The following PPP5C variants were observed in gnomAD, a reference collection of about 807,000 sequenced individuals.
The protein encoded by PPP5C is serine/threonine-protein phosphatase 5.
A neutral mutation model predicts 66.7 loss-of-function variants in PPP5C; 21 were observed. The ratio of observed to expected loss-of-function variants is 0.31; its 90% confidence interval spans 0.22 to 0.45. The LOEUF is 0.45. Ranked by LOEUF, PPP5C falls within the 20% of genes least tolerant of loss-of-function variation. PPP5C has a pLI of 1.00. For synonymous variants in PPP5C, 246 were observed against 257.4 expected (o/e 0.96, Z 0.43); for missense variants, 464 against 675.9 (o/e 0.69, Z 3.48).
Position 46,388,149 on chromosome 19 carries a change from G to A in PPP5C, c.1136-259G>A. ...GGGAGAGGGGCCTGATCTGAATAGT[G>A]ACATTGAAAGCTCTATCTGGCTTCG... is the stretch of plus-strand genomic sequence containing the variant. On this transcript the variant is annotated intron_variant, in intron 9 of 12. Coordinates refer to ENST00000012443, the MANE Select transcript of PPP5C (RefSeq NM_006247.4). The surrounding 1 kb of genome is among the most constrained non-coding windows in gnomAD (Gnocchi z 4.9). 2.1e-6 allele frequency: 1 copy of A among 480,194 alleles called. No individual in the cohort carries two copies. The highest frequency in any genetic ancestry group is 3.9e-5 in the South Asian group (1 of 25,408). The allele number at this position is 480,194 out of a possible 1,614,324, so 29.7% of individuals were successfully genotyped here.
rs1238885116 is a variant in PPP5C at position 46,384,331 on chromosome 19, G to A, written c.798+453G>A. The A allele has an allele frequency of 4.9e-5, 12 of 246,894 alleles. 1 individual carries two copies. Among genetic ancestry groups the A allele is most frequent in the Non-Finnish European group, 7.9e-6 (1 of 125,868 alleles). 15.3% of individuals were successfully genotyped at this position (246,894 alleles called of 1,614,324 possible). ...TACTCAGCAGTTACTGAGAGGACAG[G>A]TTAAGAACAGGGCCTGGCCCACACC... On this transcript the variant is annotated intron_variant, in intron 6 of 12. Transcript: ENST00000012443.
At chr19:46,356,907 G>T (rs1003053598) in intron 2 of PPP5C, among the ~76,000 whole-genome samples, 1 of 152,222 alleles carries the variant, frequency 6.6e-6, no homozygotes, top group African/African-American at 2.4e-5. Context: ...CTGGGCTCAG[G>T]ACGCCTAGGT....
In PPP5C at chr19:46,383,773, C is replaced by A; in HGVS notation, c.700-7C>A. 1 of 1,610,180 alleles carries A rather than the reference C, an allele frequency of 6.2e-7. No individual in the cohort carries two copies. The highest frequency in any genetic ancestry group is 8.5e-7 in the Non-Finnish European group (1 of 1,176,456). On this transcript the variant is annotated splice_region_variant and splice_polypyrimidine_tract_variant and intron_variant, in intron 5 of 12. Coordinates refer to ENST00000012443, the MANE Select transcript of PPP5C (RefSeq NM_006247.4). This position sits in a 1 kb window ranked among gnomAD's most constrained non-coding sequence, Gnocchi z 5.0. The stretch of plus-strand genomic sequence containing the variant: ...CCGTCCCTCTCCGGTGGCCTCTTTT[C>A]TTTCAGACAGAGAAGATTACAGTAT...
intron 2 of PPP5C, among the ~76,000 whole-genome samples, chr19:46,375,062 CCCCTGTGTTACTTATTCCTT>C (rs1972667805): frequency 6.6e-6 from 1 of 152,182 alleles, no homozygotes; most frequent in Non-Finnish European, 1.5e-5. Flanking sequence ...CATGCCGGGC[CCCCTGTGTTACTTATTCCTT>C]CCCACAGCCC....
chr19:46,380,135 A>G (rs1324196162), intron 4 of PPP5C, among the ~76,000 whole-genome samples: 1 of 151,980 alleles, frequency 6.6e-6, no homozygotes, highest in Non-Finnish European at 1.5e-5. Context: ...CAAAAACCCC[A>G]TCTCTACAAC....
chr19:46,389,756 G>GT (rs1972978076), intron 11 of PPP5C, among the ~76,000 whole-genome samples: 1 of 152,038 alleles, frequency 6.6e-6, no homozygotes, highest in African/African-American at 2.4e-5. Context: ...AGCTAGAAGC[G>GT]TGGTCAGATT....
At chr19:46,352,713 G>T (rs949360344) in intron 1 of PPP5C, among the ~76,000 whole-genome samples, 1 of 151,956 alleles carries the variant, frequency 6.6e-6, no homozygotes, top group Non-Finnish European at 1.5e-5. Context: ...CCAGCTGCTC[G>T]GGGGGCTAAG....
chr19:46,389,460 C>CACACACACACACACACACAG, intron 11 of PPP5C, among the ~76,000 whole-genome samples: 1 of 120,812 alleles, frequency 8.3e-6, no homozygotes, highest in South Asian at 2.8e-4. Context: ...CACACACACA[C>CACACACACACACACACACAG]AGTGTTGATC....
rs112487727 is a variant in PPP5C at position 46,386,292 on chromosome 19, C to T, written c.905-801C>T. The stretch of plus-strand genomic sequence containing the variant: ...CACACAGGGGAGGCCCTGCCCATGG[C>T]GGGGCCGGGGTGAGTTGGGAGGTGA... On this transcript the variant is annotated intron_variant, in intron 7 of 12. Transcript: ENST00000012443. 5.1e-3 allele frequency among the ~76,000 whole-genome samples: 778 copies of T among 152,200 alleles called. 10 individuals carry two copies. The highest frequency in any genetic ancestry group is 0.018 in the African/African-American group (735 of 41,532).
At chr19:46,389,399 A>AGTGTTGAGT (rs1312817758) in intron 11 of PPP5C, among the ~76,000 whole-genome samples, 1 of 20,826 alleles carries the variant, frequency 4.8e-5, no homozygotes, top group African/African-American at 1.3e-4. Flanking sequence ...ACACACACAC[A>AGTGTTGAGT]CACACACACA....
intron 1 of PPP5C, among the ~76,000 whole-genome samples, chr19:46,349,144 A>G (rs1439749691): frequency 6.6e-6 from 1 of 152,092 alleles, no homozygotes; most frequent in Non-Finnish European, 1.5e-5. Flanking sequence ...TGCTGAAAAA[A>G]TTAGTTGGGT....
At chr19:46,351,858 C>T (rs1601409821) in intron 1 of PPP5C, among the ~76,000 whole-genome samples, 1 of 152,192 alleles carries the variant, frequency 6.6e-6, no homozygotes, top group Non-Finnish European at 1.5e-5. Flanking sequence ...GGGGCTGGGG[C>T]AGCCCAGTCG....
chr19:46,390,423 A>C lies in PPP5C; in HGVS notation c.*77A>C. The stretch of plus-strand genomic sequence containing the variant: ...CCAGGCCCTGGGCTAGGGGCAGAGC[A>C]GGCCCCGCCCCAGGGCAATGTTGGA... On this transcript the variant is annotated 3_prime_UTR_variant, in exon 13 of 13. Transcript: ENST00000012443. The C allele has an allele frequency of 6.5e-7, 1 of 1,544,580 alleles. No homozygotes were observed. Among genetic ancestry groups the C allele is most frequent in the Non-Finnish European group, 8.7e-7 (1 of 1,143,764 alleles).
intron 2 of PPP5C, among the ~76,000 whole-genome samples, chr19:46,358,731 A>T (rs1480633984): frequency 6.6e-6 from 1 of 152,206 alleles, no homozygotes; most frequent in African/African-American, 2.4e-5. Flanking sequence ...GGGAGGAGTG[A>T]TTACAAAGGG....
chr19:46,389,208 C>T (rs1024468485), intron 11 of PPP5C, among the ~76,000 whole-genome samples: 4 of 151,930 alleles, frequency 2.6e-5, no homozygotes, highest in African/African-American at 7.3e-5. Flanking sequence ...CCCGTAATCC[C>T]AGCTACTCAG....
intron 4 of PPP5C, among the ~76,000 whole-genome samples, chr19:46,380,727 G>GT (rs1229651604): frequency 6.6e-6 from 1 of 152,102 alleles, no homozygotes; most frequent in Non-Finnish European, 1.5e-5. Flanking sequence ...CTTTAAATGT[G>GT]TTTTTTTCCC....
chr19:46,352,598 A>G (rs1013482570), intron 1 of PPP5C, among the ~76,000 whole-genome samples: 1 of 152,052 alleles, frequency 6.6e-6, no homozygotes. Context: ...AGGCAGGAGG[A>G]TCACGAGGTC....
chr19:46,347,120 G>C lies in PPP5C; in HGVS notation c.24G>C (p.Arg8Ser). MAMAEGE[R>S]TECAEPPRDE... is the part of the protein sequence containing the mutation. ...GCATGGCGATGGCGGAGGGCGAGAGGACTGAGTGTGCTGAGCCCCCCCGGG... is the reference window on the plus strand; with the variant it reads ...GCATGGCGATGGCGGAGGGCGAGAGCACTGAGTGTGCTGAGCCCCCCCGGG... Residue 8 changes from arginine to serine, a missense_variant, in exon 1 of 13, where the codon AGG becomes AGC. By Grantham distance (110) the Arg-to-Ser change is moderately radical. This residue lies in a region of PPP5C where 77 missense variants were observed against 49.9 expected (regional missense o/e 1.54). Transcript: ENST00000012443. The C allele has an allele frequency of 6.2e-7, 1 of 1,604,830 alleles. No homozygotes were observed. Among genetic ancestry groups the C allele is most frequent in the Non-Finnish European group, 8.5e-7 (1 of 1,176,020 alleles).
intron 2 of PPP5C, among the ~76,000 whole-genome samples, chr19:46,360,667 A>T (rs1228086356): frequency 6.6e-6 from 1 of 151,790 alleles, no homozygotes; most frequent in Admixed American, 6.6e-5. Context: ...CACCCCGCTA[A>T]TTTTTTTGTA....
Sources: gnomAD v4.1 joint callset for allele counts (sites outside exome capture counted in the v4.1 genomes callset) on GRCh38, gnomAD v4.1.1 for gene constraint, gnomAD v4.1.1 regional missense constraint, Gnocchi (gnomAD v3.1) non-coding constraint, MANE v1.5 for transcripts, NCBI Gene and HGNC (gene_info 2026-07-23, HGNC 2026-07-21) for gene names.